Variants in CSMD1 observed in about 807,000 individuals in gnomAD.
CSMD1 encodes the protein CUB and sushi domain-containing protein 1.
CSMD1 carries 213 observed loss-of-function variants against 417.5 expected under a neutral mutation model. The observed-to-expected ratio is 0.51, with a 90% CI of 0.46 to 0.57. CSMD1 has a LOEUF of 0.57. CSMD1 is among the 20% of genes least tolerant of loss of function. The probability of loss-of-function intolerance (pLI) is 0.00; values close to 1 mark genes in which losing one functional copy is unlikely to be tolerated. For missense variants in CSMD1, 6,923 were observed against 4,529.7 expected, an observed-to-expected ratio of 1.53 and a Z score of -15.17; for synonymous variants, 2,862 against 1,736.8, an observed-to-expected ratio of 1.65 and a Z score of -16.11.
At chr8:4,193,764 G>T (rs923854069) in intron 3 of CSMD1, among the ~76,000 whole-genome samples, 2 of 152,120 alleles carry the variant, frequency 1.3e-5, no homozygotes, top group African/African-American at 2.4e-5. Context: ...TGGCTGGCAA[G>T]TTATGGAATC....
chr8:4,423,123 C>T (rs1283431581), intron 2 of CSMD1, among the ~76,000 whole-genome samples: 1 of 151,982 alleles, frequency 6.6e-6, no homozygotes, highest in Non-Finnish European at 1.5e-5. Flanking sequence ...ATGCTTCTGC[C>T]TAAGACTGGA....
chr8:3,454,056 C>G (rs924672387), intron 12 of CSMD1, among the ~76,000 whole-genome samples: 19 of 152,232 alleles, frequency 1.2e-4, no homozygotes, highest in East Asian at 5.8e-4. Context: ...GATCCCTTTA[C>G]CATTATGTAA....
chr8:3,486,765 G>C (rs1270546223), intron 11 of CSMD1, among the ~76,000 whole-genome samples: 1 of 152,226 alleles, frequency 6.6e-6, no homozygotes, highest in Non-Finnish European at 1.5e-5. Flanking sequence ...CAAGGTCCCT[G>C]ACTCTGCTGG....
At chr8:3,754,536 G>C (rs975991021) in intron 5 of CSMD1, among the ~76,000 whole-genome samples, 6 of 151,934 alleles carry the variant, frequency 3.9e-5, no homozygotes, top group Non-Finnish European at 8.8e-5. Flanking sequence ...CTCACTGCAA[G>C]CTCCGCCTCC....
At chr8:4,169,390 T>C (rs77880387) in intron 3 of CSMD1, among the ~76,000 whole-genome samples, 2 of 152,176 alleles carry the variant, frequency 1.3e-5, no homozygotes, top group Non-Finnish European at 2.9e-5. Context: ...CCAAAAAACA[T>C]GAGGCATTGT....
intron 26 of CSMD1, among the ~76,000 whole-genome samples, chr8:3,282,760 A>C (rs112866633): frequency 6.6e-6 from 1 of 152,268 alleles, no homozygotes; most frequent in African/African-American, 2.4e-5. Context: ...ACCAGAGGTA[A>C]GAAATTGTGC....
Position 4,811,568 on chromosome 8 carries a change from A to C in CSMD1, c.86-174010T>G, listed in dbSNP as rs542290704. The stretch of plus-strand genomic sequence containing the variant: ...AATATTGACATGGAAAAATAAACAC[A>C]TGTGAGGCTCATCCTTTGGCAATAA... On this transcript the variant is annotated intron_variant, in intron 1 of 69. Transcript: ENST00000635120. Among the ~76,000 whole-genome samples the C allele has an allele frequency of 4.2e-4, 64 of 152,248 alleles. 1 individual carries two copies. Among genetic ancestry groups the C allele is most frequent in the Non-Finnish European group, 8.2e-4 (56 of 68,010 alleles).
intron 26 of CSMD1, among the ~76,000 whole-genome samples, chr8:3,268,667 A>T (rs778571282): frequency 2.6e-5 from 4 of 152,164 alleles, no homozygotes; most frequent in African/African-American, 4.8e-5. Flanking sequence ...TCCGAATAAC[A>T]TGTTTTTAAA....
intron 1 of CSMD1, among the ~76,000 whole-genome samples, chr8:4,840,050 G>A (rs759973813): frequency 1.5e-5 from 2 of 129,662 alleles, no homozygotes; most frequent in Middle Eastern, 4.0e-3. Context: ...CACAGCTATG[G>A]CTTTCCTCGG....
chr8:3,573,708 T>C (rs1429150418), intron 10 of CSMD1, among the ~76,000 whole-genome samples: 1 of 152,116 alleles, frequency 6.6e-6, no homozygotes, highest in South Asian at 2.1e-4. Context: ...ATAAATAAGA[T>C]GGATATTTTG....
chr8:4,523,508 C>T (rs1207122943), intron 2 of CSMD1, among the ~76,000 whole-genome samples: 1 of 152,050 alleles, frequency 6.6e-6, no homozygotes, highest in African/African-American at 2.4e-5. Flanking sequence ...ATGGCTGTTG[C>T]TAGTTTTCCT....
At chr8:3,165,182 T>C (rs35441063) in intron 37 of CSMD1, among the ~76,000 whole-genome samples, 17,479 of 151,982 alleles carry the variant, frequency 0.12, 1,317 homozygotes, top group Middle Eastern at 0.16. Context: ...ACCCAGTATA[T>C]GTTAGAAGCT....
At chr8:4,757,979 A>C (rs909053380) in intron 1 of CSMD1, among the ~76,000 whole-genome samples, 4 of 151,282 alleles carry the variant, frequency 2.6e-5, no homozygotes, top group Non-Finnish European at 5.9e-5. Context: ...AAAAAAAAAA[A>C]AGGAAAAGAG....
chr8:2,965,813 T>A lies in CSMD1; in HGVS notation c.9242A>T (p.Lys3081Ile). 6.2e-7 allele frequency: 1 copy of A among 1,610,760 alleles called. No homozygotes were observed. Among genetic ancestry groups the A allele is most frequent in the East Asian group, 2.2e-5 (1 of 44,774 alleles). ...AVTSATIRCTKDGRWNPSKPV... is the reference protein window; with the variant it reads ...AVTSATIRCTIDGRWNPSKPV... The stretch of plus-strand genomic sequence containing the variant: ...TTTGCTCGGATTCCACCTGCCGTCT[T>A]TGGTACAGCGAATAGTGGCGGATGT... Residue 3081 changes from lysine (K) to isoleucine (I), a missense_variant, in exon 59 of 70, where the codon AAA (lysine) becomes ATA (isoleucine). By Grantham distance (102) the Lys-to-Ile change is moderately radical (BLOSUM62 -3). Coordinates refer to ENST00000635120, the MANE Select transcript of CSMD1 (RefSeq NM_033225.6).
intron 3 of CSMD1, among the ~76,000 whole-genome samples, chr8:4,131,587 G>C (rs898396887): frequency 4.3e-4 from 66 of 151,910 alleles, no homozygotes; most frequent in Admixed American, 4.3e-3. Flanking sequence ...AAACTGCATA[G>C]TCCCTAATGC....
At chr8:3,764,932 G>C (rs981964052) in intron 5 of CSMD1, among the ~76,000 whole-genome samples, 36 of 151,914 alleles carry the variant, frequency 2.4e-4, no homozygotes, top group Middle Eastern at 3.4e-3. Context: ...TTTTAGTAGA[G>C]ACAGGGTTTC....
intron 49 of CSMD1, among the ~76,000 whole-genome samples, chr8:3,059,353 C>A (rs1026582996): frequency 5.9e-5 from 7 of 119,126 alleles, no homozygotes; most frequent in South Asian, 2.5e-4. Context: ...CCCTTCCCTG[C>A]ACAACTTTTT....
Position 3,188,081 on chromosome 8 carries a change from T to C in CSMD1, c.5524-116A>G, listed in dbSNP as rs556458842. ...GTGTATATGTATATATATATACATA[T>C]GTATATGTATATATATATACATATA... On this transcript the variant is annotated intron_variant, in intron 35 of 69. Coordinates refer to ENST00000635120, the MANE Select transcript of CSMD1 (RefSeq NM_033225.6). The C allele has an allele frequency of 1.1e-3, 367 of 341,934 alleles. 2 individuals carry two copies. The highest frequency in any genetic ancestry group is 8.4e-3 in the African/African-American group (345 of 41,298). 21.2% of individuals were successfully genotyped at this position (341,934 alleles called of 1,614,324 possible).
chr8:4,630,235 C>A (rs1802429235), intron 2 of CSMD1, among the ~76,000 whole-genome samples: 1 of 150,710 alleles, frequency 6.6e-6, no homozygotes, highest in Non-Finnish European at 1.5e-5. Context: ...TCATTTTATC[C>A]TTTTTCTTAA....
Sources: gnomAD v4.1 joint callset for allele counts (sites outside exome capture counted in the v4.1 genomes callset) on GRCh38, gnomAD v4.1.1 for gene constraint, MANE v1.5 for transcripts, NCBI Gene and HGNC (gene_info 2026-07-23, HGNC 2026-07-21) for gene names.